DMD: variants seen among roughly 807,000 people sequenced by gnomAD.
DMD encodes mutant dystrophin.
Under a neutral mutation model 330.1 loss-of-function variants are expected in DMD, and 63 were observed. The ratio of observed to expected loss-of-function variants is 0.19; its 90% CI spans 0.16 to 0.24. The LOEUF is 0.24. Among genes scored for constraint, DMD ranks in the 10% least tolerant of loss-of-function variants. DMD has a pLI of 1.00. For synonymous variants in DMD, 1,223 were observed against 959.8 expected (o/e 1.27, Z -5.07); for missense variants, 3,344 against 2,684.1 (o/e 1.25, Z -5.43).
At chrX:32,253,268 G>A (rs1419020996) in intron 43 of DMD, among the ~76,000 whole-genome samples, 2 of 110,134 alleles carry the variant, frequency 1.8e-5, no homozygotes, top group Non-Finnish European at 3.8e-5. Context: ...TAACCCTATC[G>A]ACACTAAGAG....
At chrX:32,834,028 G>T (rs1450910519) in intron 4 of DMD, among the ~76,000 whole-genome samples, 1 of 111,238 alleles carries the variant, frequency 9.0e-6, no homozygotes, top group Non-Finnish European at 1.9e-5. Context: ...ATGAATACGA[G>T]ATTATGTTTG....
At chrX:32,983,483 A>G (rs2092757679) in intron 2 of DMD, among the ~76,000 whole-genome samples, 1 of 106,899 alleles carries the variant, frequency 9.4e-6, no homozygotes, top group Non-Finnish European at 1.9e-5. Flanking sequence ...GGTGATATCC[A>G]ATTCCCCTAC....
chrX:32,545,816 T>G (rs1020834737), intron 16 of DMD, among the ~76,000 whole-genome samples: 1 of 111,278 alleles, frequency 9.0e-6, no homozygotes, highest in Non-Finnish European at 1.9e-5. Context: ...TTAAATAAAA[T>G]TATTTCAACT....
intron 62 of DMD, among the ~76,000 whole-genome samples, chrX:31,310,613 C>T (rs1214822557): frequency 9.1e-6 from 1 of 110,489 alleles, no homozygotes; most frequent in Non-Finnish European, 1.9e-5. Flanking sequence ...GGCACAAACA[C>T]GGTTCACTAT....
chrX:32,529,224 C>T (rs2047228827), intron 17 of DMD, among the ~76,000 whole-genome samples: 1 of 108,048 alleles, frequency 9.3e-6, no homozygotes, highest in Non-Finnish European at 1.9e-5. Flanking sequence ...CGCGCCAGGT[C>T]AAACCAATGT....
chrX:31,664,499 G>C (rs1365710318), intron 53 of DMD, among the ~76,000 whole-genome samples: 1 of 101,863 alleles, frequency 9.8e-6, no homozygotes, highest in Non-Finnish European at 2.0e-5. Flanking sequence ...CCACTCTTTT[G>C]GTCGCCTCTG....
At chrX:31,201,613 G>T (rs1313800839) in intron 67 of DMD, among the ~76,000 whole-genome samples, 1 of 111,947 alleles carries the variant, frequency 8.9e-6, no homozygotes, top group East Asian at 2.8e-4. Context: ...CCTGATAAGG[G>T]GGGCAGCCCA....
At chrX:33,020,533 G>T (rs1425418402) in intron 1 of DMD, among the ~76,000 whole-genome samples, 1 of 111,422 alleles carries the variant, frequency 9.0e-6, no homozygotes, top group Non-Finnish European at 1.9e-5. Flanking sequence ...AATTAGCCAG[G>T]CATGGTGGCA....
intron 7 of DMD, among the ~76,000 whole-genome samples, chrX:32,753,120 A>G (rs2148305273): frequency 9.0e-6 from 1 of 111,131 alleles, no homozygotes; most frequent in East Asian, 2.8e-4. Flanking sequence ...CTCCACAACA[A>G]GCTAGTACCC....
chrX:31,908,220 T>C (rs1443114585), intron 47 of DMD, among the ~76,000 whole-genome samples: 2 of 111,871 alleles, frequency 1.8e-5, no homozygotes, highest in Admixed American at 1.9e-4. Context: ...ACTGGGTATA[T>C]ACCCAAAGGA....
intron 67 of DMD, among the ~76,000 whole-genome samples, chrX:31,195,066 G>A (rs2042746016): frequency 8.9e-6 from 1 of 111,997 alleles, no homozygotes; most frequent in Non-Finnish European, 1.9e-5. Flanking sequence ...GAGACAAGAA[G>A]AAGTAAAAGG....
chrX:32,496,675 T>C (rs1239060677), intron 19 of DMD, among the ~76,000 whole-genome samples: 3 of 112,908 alleles, frequency 2.7e-5, no homozygotes, highest in Non-Finnish European at 5.6e-5. Flanking sequence ...TGTCTGCGCA[T>C]GCGAGTTCAC....
intron 60 of DMD, among the ~76,000 whole-genome samples, chrX:31,420,241 G>A (rs781743023): frequency 8.9e-6 from 1 of 112,502 alleles, no homozygotes; most frequent in Admixed American, 9.4e-5. Context: ...GTTAGGAACC[G>A]TCCCTTGACT....
chrX:32,129,675 A>T (rs1047124015), intron 44 of DMD, among the ~76,000 whole-genome samples: 8 of 105,596 alleles, frequency 7.6e-5, no homozygotes, highest in African/African-American at 2.7e-4. Context: ...CTACAGAAAA[A>T]ATATATATAC....
chrX:32,703,960 G>A (rs767196990), intron 7 of DMD, among the ~76,000 whole-genome samples: 70 of 111,224 alleles, frequency 6.3e-4, no homozygotes, highest in Non-Finnish European at 1.2e-3. Context: ...AAATGCTCAC[G>A]GACACCAGAT....
rs776947661 is a variant in DMD at position 32,573,819 on chromosome X, A to T, written c.1630T>A (p.Cys544Ser). 1 of 1,211,254 alleles carries T rather than the reference A, an allele frequency of 8.3e-7. No individual in the cohort carries two copies. Among genetic ancestry groups the T allele is most frequent in the Non-Finnish European group, 1.1e-6 (1 of 895,081 alleles). Residue 544 changes from cysteine to serine, a missense_variant, in exon 14 of 79, where the codon TGT becomes AGT. Transcript: ENST00000357033. ...ACCCAGCGGTCTTCTGTCCATCTAC[A>T]GATGTTTGCCCATCGATCTCCCAAT... The part of the protein sequence containing the change: ...KVLGDRWANI[C>S]RWTEDRWVLL...
At chrX:31,139,594 G>A (rs1425200860) in intron 76 of DMD, among the ~76,000 whole-genome samples, 1 of 108,558 alleles carries the variant, frequency 9.2e-6, no homozygotes, top group Non-Finnish European at 1.9e-5. Flanking sequence ...TCTAAGTAAA[G>A]TAACTCAGGA....
intron 45 of DMD, among the ~76,000 whole-genome samples, chrX:31,949,413 G>T (rs1210457155): frequency 3.6e-5 from 4 of 111,310 alleles, no homozygotes; most frequent in Non-Finnish European, 7.6e-5. Context: ...ATGCTACAAA[G>T]AATGAAATTA....
chrX:33,119,101 C>G (rs2095407586), intron 1 of DMD, among the ~76,000 whole-genome samples: 1 of 112,768 alleles, frequency 8.9e-6, no homozygotes, highest in Non-Finnish European at 1.9e-5. Context: ...GTGCTACATA[C>G]AAAGACACCT....
Sources: allele counts gnomAD v4.1 joint callset (sites outside exome capture counted in the v4.1 genomes callset), GRCh38; gene constraint gnomAD v4.1.1; transcripts MANE v1.5; gene names NCBI Gene and HGNC (gene_info 2026-07-23, HGNC 2026-07-21).